RBFOX1: variants seen among roughly 807,000 people sequenced by gnomAD.
RBFOX1 encodes RNA binding fox-1 homolog 1.
In RBFOX1, 8 loss-of-function variants were observed where a neutral mutation model predicts 57.7. The ratio of observed to expected loss-of-function variants is 0.14; its 90% CI spans 0.08 to 0.25. The LOEUF (loss-of-function observed/expected upper bound fraction) is 0.25. Among genes scored for constraint, RBFOX1 ranks in the 10% least tolerant of loss-of-function variants. RBFOX1 has a pLI of 1.00. For missense variants in RBFOX1, 611 were observed against 548.5 expected, an observed-to-expected ratio of 1.11 and a Z score of -1.14; for synonymous variants, 326 against 222.4, an observed-to-expected ratio of 1.47 and a Z score of -4.15.
In RBFOX1 at chr16:6,249,848, A is replaced by C. The variant is rs575174732; in HGVS notation, c.-126-67147A>C. Among the ~76,000 whole-genome samples the C allele has an allele frequency of 3.6e-4, 54 of 150,384 alleles. 2 individuals are homozygous for C. Among genetic ancestry groups the C allele is most frequent in the Non-Finnish European group, 1.5e-5 (1 of 67,888 alleles). On this transcript the variant is annotated intron_variant, in intron 1 of 15. Coordinates refer to ENST00000550418, the MANE Select transcript of RBFOX1 (RefSeq NM_018723.4). Reference sequence around the variant, plus strand: ...GTGCAGGTTAGTTACATATGTATACATGTGCCATGTTGGTGTGCTGCACCC... The same window carrying C: ...GTGCAGGTTAGTTACATATGTATACCTGTGCCATGTTGGTGTGCTGCACCC...
At chr16:6,737,208 AT>A (rs1478010307) in intron 3 of RBFOX1, among the ~76,000 whole-genome samples, 1 of 152,232 alleles carries the variant, frequency 6.6e-6, no homozygotes, top group East Asian at 1.9e-4. Context: ...CAAGCAAAAA[AT>A]AACTCAATGT....
intron 3 of RBFOX1, among the ~76,000 whole-genome samples, chr16:5,738,635 GAAAAAA>G (rs61011633): frequency 8.2e-5 from 5 of 61,192 alleles, no homozygotes; most frequent in Non-Finnish European, 1.5e-4. Context: ...CTCTGTCTCA[GAAAAAA>G]AAAAAAAAAA....
chr16:7,709,528 G>C (rs775450094), intron 15 of RBFOX1: 2 of 1,533,700 alleles, frequency 1.3e-6, no homozygotes, highest in South Asian at 2.4e-5. Flanking sequence ...GACTTCAGAG[G>C]AGCTAAGCTG....
intron 1 of RBFOX1, among the ~76,000 whole-genome samples, chr16:6,144,726 C>T (rs1291790144): frequency 1.3e-5 from 2 of 152,214 alleles, no homozygotes; most frequent in Non-Finnish European, 2.9e-5. Flanking sequence ...TTTGTTTAGC[C>T]TTGATGGATA....
chr16:6,302,295 T>G (rs769427983), intron 1 of RBFOX1, among the ~76,000 whole-genome samples: 1 of 152,128 alleles, frequency 6.6e-6, no homozygotes, highest in Non-Finnish European at 1.5e-5. Flanking sequence ...ACGGAGATGC[T>G]GAGTGCTGTA....
intron 1 of RBFOX1, among the ~76,000 whole-genome samples, chr16:5,377,248 G>C (rs1308200387): frequency 6.6e-6 from 1 of 151,556 alleles, no homozygotes. Context: ...TCAGGAATGG[G>C]CTACGAGGAG....
intron 3 of RBFOX1, among the ~76,000 whole-genome samples, chr16:6,944,485 A>G (rs925191804): frequency 6.6e-6 from 1 of 152,058 alleles, no homozygotes; most frequent in Non-Finnish European, 1.5e-5. Context: ...TTATCTCCAC[A>G]TAGGTGACAG....
chr16:6,606,236 G>A (rs529657792), intron 2 of RBFOX1, among the ~76,000 whole-genome samples: 1 of 152,156 alleles, frequency 6.6e-6, no homozygotes, highest in Non-Finnish European at 1.5e-5. Flanking sequence ...ATCCTGTGAA[G>A]TACTACTGCC....
intron 5 of RBFOX1, among the ~76,000 whole-genome samples, chr16:7,520,475 G>A (rs1166408175): frequency 6.6e-6 from 1 of 152,158 alleles, no homozygotes; most frequent in Non-Finnish European, 1.5e-5. Context: ...CTTGGAGATA[G>A]CTTTTTGTGT....
intron 1 of RBFOX1, among the ~76,000 whole-genome samples, chr16:6,107,603 G>A (rs554969678): frequency 5.9e-5 from 9 of 152,004 alleles, no homozygotes; most frequent in East Asian, 5.8e-4. Flanking sequence ...ATGGATGCAC[G>A]GATGGATGGA....
chr16:5,246,425 T>A (rs984258023), intron 1 of RBFOX1, among the ~76,000 whole-genome samples: 5 of 152,192 alleles, frequency 3.3e-5, no homozygotes, highest in African/African-American at 1.2e-4. Context: ...TCAAGCTAAA[T>A]AACATATCAC....
intron 4 of RBFOX1, among the ~76,000 whole-genome samples, chr16:7,127,394 A>G (rs568678396): frequency 6.6e-6 from 1 of 152,346 alleles, no homozygotes; most frequent in South Asian, 2.1e-4. Flanking sequence ...GATACTTATT[A>G]TCACCCTATG....
intron 2 of RBFOX1, among the ~76,000 whole-genome samples, chr16:6,412,856 C>T (rs891232155): frequency 3.3e-5 from 5 of 152,134 alleles, no homozygotes; most frequent in African/African-American, 9.7e-5. Flanking sequence ...GTTACTGGAG[C>T]GTGCACCTGG....
chr16:7,519,096 A>G (rs2076995314), intron 5 of RBFOX1, among the ~76,000 whole-genome samples: 1 of 152,204 alleles, frequency 6.6e-6, no homozygotes, highest in African/African-American at 2.4e-5. Context: ...TTAGGTGTAC[A>G]GTTCACTGAT....
chr16:7,073,408 G>A (rs542866961), intron 4 of RBFOX1, among the ~76,000 whole-genome samples: 38 of 152,274 alleles, frequency 2.5e-4, no homozygotes, highest in Middle Eastern at 3.4e-3. Flanking sequence ...AGGGTCAAGA[G>A]CATGCATGAG....
At chr16:6,818,533 G>A (rs2154274022) in intron 3 of RBFOX1, among the ~76,000 whole-genome samples, 1 of 152,298 alleles carries the variant, frequency 6.6e-6, no homozygotes, top group African/African-American at 2.4e-5. Flanking sequence ...AATACAAGCT[G>A]TTGTAAGATT....
intron 1 of RBFOX1, among the ~76,000 whole-genome samples, chr16:6,281,256 C>A (rs1254024594): frequency 6.6e-6 from 1 of 152,028 alleles, no homozygotes; most frequent in Non-Finnish European, 1.5e-5. Context: ...TGTGATCCCA[C>A]GGAATTGTCA....
intron 1 of RBFOX1, among the ~76,000 whole-genome samples, chr16:6,250,599 A>G (rs1282305043): frequency 2.0e-5 from 3 of 152,148 alleles, no homozygotes; most frequent in Non-Finnish European, 4.4e-5. Flanking sequence ...TTTGAAACCC[A>G]GGCCTCTTTT....
chr16:7,208,039 G>T (rs1023093751), intron 4 of RBFOX1, among the ~76,000 whole-genome samples: 1 of 152,190 alleles, frequency 6.6e-6, no homozygotes, highest in African/African-American at 2.4e-5. Context: ...ATCTTCTCTG[G>T]AAAACTAGGA....
Sources: allele counts gnomAD v4.1 joint callset (sites outside exome capture counted in the v4.1 genomes callset), GRCh38; gene constraint gnomAD v4.1.1; transcripts MANE v1.5; gene names NCBI Gene and HGNC (gene_info 2026-07-23, HGNC 2026-07-21).